The following TLN2 variants were observed in gnomAD, a reference collection of about 807,000 sequenced individuals.
The protein encoded by TLN2 is talin-2.
TLN2 carries 118 observed loss-of-function variants against 294.7 expected under a neutral mutation model. That is an observed-to-expected ratio of 0.40 (90% CI 0.34 to 0.47). The LOEUF (loss-of-function observed/expected upper bound fraction) is 0.47. Ranked by LOEUF, TLN2 falls within the 20% of genes least tolerant of loss-of-function variation. The pLI is 0.84. For missense variants in TLN2, 3,083 were observed against 3,282.2 expected (o/e 0.94, Z 1.48); for synonymous variants, 1,431 against 1,304.5 (o/e 1.10, Z -2.09).
At chr15:62,677,011 G>A (rs943328513) in intron 11 of TLN2, among the ~76,000 whole-genome samples, 18 of 152,184 alleles carry the variant, frequency 1.2e-4, no homozygotes, top group African/African-American at 2.7e-4. Flanking sequence ...TTGAATTCAC[G>A]TTTCCCTGAT....
chr15:62,603,954 A>G (rs2047203853), intron 2 of TLN2, among the ~76,000 whole-genome samples: 1 of 152,222 alleles, frequency 6.6e-6, no homozygotes, highest in Non-Finnish European at 1.5e-5. Flanking sequence ...TGTTGCAGCT[A>G]TTCAACTCTG....
At chr15:62,677,688 C>A (rs2056369636) in intron 11 of TLN2, among the ~76,000 whole-genome samples, 1 of 151,664 alleles carries the variant, frequency 6.6e-6, no homozygotes, top group Admixed American at 6.6e-5. Flanking sequence ...TTTCTTCCTT[C>A]CTCCTTCCTT....
chr15:62,643,230 C>T (rs970449776), intron 3 of TLN2, among the ~76,000 whole-genome samples: 6 of 151,930 alleles, frequency 3.9e-5, no homozygotes, highest in African/African-American at 1.5e-4. Flanking sequence ...TTGTAGATTA[C>T]AAAGTATTGG....
chr15:62,744,941 C>T (rs914789148), intron 32 of TLN2, among the ~76,000 whole-genome samples: 2 of 152,194 alleles, frequency 1.3e-5, no homozygotes, highest in African/African-American at 4.8e-5. Flanking sequence ...TCCCAGGCGC[C>T]TCTTCCCTGG....
intron 1 of TLN2, among the ~76,000 whole-genome samples, chr15:62,554,988 TAGAA>T (rs1449539464): frequency 1.3e-5 from 1 of 75,250 alleles, no homozygotes; most frequent in Non-Finnish European, 2.4e-5. Context: ...AAATTCTATT[TAGAA>T]AGAAAAAAAA....
In TLN2 at chr15:62,691,234, T is replaced by A. The variant is rs1284981965; in HGVS notation, c.1114-1606T>A. ...CCTGTTACTCTGATGATATTAATGT[T>A]AGATCTTTTGTTACTGTCCTATAAG... is the stretch of plus-strand genomic sequence containing the variant. On this transcript the variant is annotated intron_variant, in intron 12 of 58. Coordinates refer to ENST00000636159, the MANE Select transcript of TLN2 (RefSeq NM_015059.3). 3.3e-5 allele frequency among the ~76,000 whole-genome samples: 5 copies of A among 152,222 alleles called. No individual in the cohort carries two copies. In the East Asian group the frequency reaches 9.6e-4, roughly 29 times the overall value.
At chr15:62,655,091 T>C (rs1300181629) in intron 7 of TLN2, among the ~76,000 whole-genome samples, 1 of 152,076 alleles carries the variant, frequency 6.6e-6, no homozygotes, top group Non-Finnish European at 1.5e-5. Context: ...TACTCCCTAA[T>C]TTGATTTGCA....
intron 1 of TLN2, among the ~76,000 whole-genome samples, chr15:62,567,472 G>C (rs536027115): frequency 2.6e-5 from 4 of 152,330 alleles, no homozygotes; most frequent in Middle Eastern, 3.4e-3. Context: ...GTGGATTTGA[G>C]CAGCAAGATG....
In TLN2 at chr15:62,656,141, G is replaced by T. The variant is rs1028456980; in HGVS notation, c.660+55G>T. On this transcript the variant is annotated intron_variant, in intron 8 of 58. Transcript: ENST00000636159. The stretch of plus-strand genomic sequence containing the variant: ...TTGGTGAGATTGCAGGAAGCTCCTG[G>T]CTGTATCTTGTGGCGAGCAGGAGGG... 4.4e-6 allele frequency: 7 copies of T among 1,599,104 alleles called. No individual in the cohort carries two copies. The African/African-American group carries it at 8.0e-5, about 18-fold the overall frequency.
intron 1 of TLN2, among the ~76,000 whole-genome samples, chr15:62,499,133 G>T (rs2039168799): frequency 6.6e-6 from 1 of 151,806 alleles, no homozygotes; most frequent in South Asian, 2.1e-4. Context: ...TGTTCTTTCT[G>T]CTACCTGGGA....
intron 2 of TLN2, among the ~76,000 whole-genome samples, chr15:62,606,522 G>A (rs2047462234): frequency 6.6e-6 from 1 of 152,134 alleles, no homozygotes; most frequent in African/African-American, 2.4e-5. Context: ...TTCCCCCATG[G>A]AGGATGATGA....
intron 1 of TLN2, among the ~76,000 whole-genome samples, chr15:62,449,877 G>A (rs961548113): frequency 1.3e-5 from 2 of 152,180 alleles, no homozygotes; most frequent in Admixed American, 1.3e-4. Context: ...AATGAAAAGT[G>A]CATGGTTCCA....
intron 1 of TLN2, among the ~76,000 whole-genome samples, chr15:62,484,639 C>G (rs2038287439): frequency 1.3e-5 from 2 of 152,064 alleles, no homozygotes; most frequent in Admixed American, 1.3e-4. Flanking sequence ...GTTGGCCAGG[C>G]TGATCTCGAA....
At position 62,810,011 on chromosome 15, in the gene TLN2, C is replaced by T. The variant is rs1031242138; in HGVS notation, c.6750C>T (p.Asp2250=). Residue 2250 remains aspartate, a synonymous_variant, in exon 52 of 59, where the codon GAC becomes GAT. Coordinates refer to ENST00000636159, the MANE Select transcript of TLN2 (RefSeq NM_015059.3). ...CGGAGTGCACCCTTGGCTACTTGGA[C>T]CTCCTGGAGCACGTCTTGGTGGTAA... The part of the protein sequence containing the change: ...FGTECTLGYL[D]LLEHVLVILQ... The T allele has an allele frequency of 6.2e-7, 1 of 1,614,024 alleles. No individual in the cohort carries two copies.
At chr15:62,549,261 G>T (rs940050841) in intron 1 of TLN2, among the ~76,000 whole-genome samples, 4 of 152,132 alleles carry the variant, frequency 2.6e-5, no homozygotes, top group African/African-American at 9.7e-5. Context: ...CATTTGTTCA[G>T]ATTAACACTA....
chr15:62,661,707 C>A (rs2053853334), intron 9 of TLN2, among the ~76,000 whole-genome samples: 1 of 152,068 alleles, frequency 6.6e-6, no homozygotes, highest in African/African-American at 2.4e-5. Flanking sequence ...CTAAAAGACA[C>A]AATTTTAGAC....
intron 11 of TLN2, among the ~76,000 whole-genome samples, chr15:62,680,492 TA>T (rs1366784306): frequency 6.6e-6 from 1 of 151,440 alleles, no homozygotes; most frequent in Non-Finnish European, 1.5e-5. Context: ...AGTATGTATG[TA>T]AAAATTAGCA....
intron 3 of TLN2, among the ~76,000 whole-genome samples, chr15:62,623,416 G>C (rs576528368): frequency 6.6e-6 from 1 of 152,310 alleles, no homozygotes; most frequent in East Asian, 1.9e-4. Context: ...CAGTGATCTA[G>C]TGATGGTTCC....
intron 45 of TLN2, among the ~76,000 whole-genome samples, chr15:62,785,926 C>T (rs1405970273): frequency 2.0e-5 from 3 of 152,098 alleles, no homozygotes; most frequent in Non-Finnish European, 4.4e-5. Context: ...TTGCTAAAAG[C>T]ACAACAACAG....
Sources: allele counts gnomAD v4.1 joint callset (sites outside exome capture counted in the v4.1 genomes callset), GRCh38; gene constraint gnomAD v4.1.1; transcripts MANE v1.5; gene names NCBI Gene and HGNC (gene_info 2026-07-23, HGNC 2026-07-21).